The following ENTPD1 variants were observed in gnomAD, a reference collection of about 807,000 sequenced individuals.
The protein encoded by ENTPD1 is ectonucleoside triphosphate diphosphohydrolase 1, also known as ATP diphosphohydrolase.
ENTPD1 carries 33 observed loss-of-function variants against 57.0 expected under a neutral mutation model. The ratio of observed to expected loss-of-function variants is 0.58; its 90% CI spans 0.44 to 0.77. ENTPD1 has a LOEUF of 0.77. ENTPD1 is among the 30% of genes least tolerant of loss of function. The pLI is 0.00. For synonymous variants in ENTPD1, 202 were observed against 218.8 expected, an observed-to-expected ratio of 0.92 and a Z score of 0.68; for missense variants, 501 against 603.4, an observed-to-expected ratio of 0.83 and a Z score of 1.78.
chr10:95,771,522 T>C (rs2098115789), intron 1 of ENTPD1, among the ~76,000 whole-genome samples: 1 of 152,206 alleles, frequency 6.6e-6, no homozygotes, highest in Admixed American at 6.6e-5. Context: ...TTCCCTTGCC[T>C]TTTTGAAAGA....
chr10:95,850,342 GT>G (rs372904174), intron 7 of ENTPD1, among the ~76,000 whole-genome samples: 4 of 152,126 alleles, frequency 2.6e-5, no homozygotes, highest in African/African-American at 9.7e-5. Context: ...GATTTTTGAT[GT>G]TTTTTGTTTT....
Position 95,763,931 on chromosome 10 carries a change from A to G in ENTPD1, c.16+7676A>G, listed in dbSNP as rs192978856. Among the ~76,000 whole-genome samples, 46 of 152,352 alleles carry G rather than the reference A, an allele frequency of 3.0e-4. No homozygotes were observed. The East Asian group carries it at 6.9e-3, about 23-fold the overall frequency. ...TACTGTTAAATAACTCAATTGTTAA[A>G]GTCTCTCAGTTGGTAAGTGTTGAAG... On this transcript the variant is annotated intron_variant, in intron 1 of 9. Transcript: ENST00000371205.
chr10:95,750,307 C>A (rs1024549112), intron 1 of ENTPD1, among the ~76,000 whole-genome samples: 4 of 152,038 alleles, frequency 2.6e-5, no homozygotes, highest in African/African-American at 9.7e-5. Context: ...AATGTGATCC[C>A]CAATGTTGGA....
intron 1 of ENTPD1, among the ~76,000 whole-genome samples, chr10:95,807,125 G>A (rs2098276359): frequency 6.6e-6 from 1 of 152,182 alleles, no homozygotes; most frequent in Non-Finnish European, 1.5e-5. Context: ...GAGATGGAGT[G>A]TAGAGGTAGT....
At chr10:95,859,485 T>C (rs2098461562) in intron 7 of ENTPD1, among the ~76,000 whole-genome samples, 1 of 152,236 alleles carries the variant, frequency 6.6e-6, no homozygotes, top group South Asian at 2.1e-4. Context: ...ATAATCTCAG[T>C]AAACTATGAC....
chr10:95,722,456 C>A (rs963768892), intron 1 of ENTPD1, among the ~76,000 whole-genome samples: 1 of 152,040 alleles, frequency 6.6e-6, no homozygotes, highest in Non-Finnish European at 1.5e-5. Flanking sequence ...CCATGGAATA[C>A]TATGCAGCCA....
intron 1 of ENTPD1, among the ~76,000 whole-genome samples, chr10:95,739,077 A>G (rs1285023160): frequency 1.3e-5 from 2 of 152,250 alleles, no homozygotes; most frequent in Non-Finnish European, 1.5e-5. Flanking sequence ...AGTACAATGT[A>G]TATACCTTGA....
At chr10:95,862,474 G>A (rs2098467025) in intron 8 of ENTPD1, among the ~76,000 whole-genome samples, 1 of 152,210 alleles carries the variant, frequency 6.6e-6, no homozygotes, top group Non-Finnish European at 1.5e-5. Context: ...ACTATGTGTT[G>A]ACAGTGGTGG....
intron 7 of ENTPD1, among the ~76,000 whole-genome samples, chr10:95,851,857 CTT>C (rs1305772405): frequency 1.3e-5 from 2 of 152,048 alleles, no homozygotes; most frequent in Non-Finnish European, 2.9e-5. Flanking sequence ...GGTTCCAAGT[CTT>C]TGCTATTGTG....
chr10:95,789,439 T>C (rs1348586493), intron 1 of ENTPD1, among the ~76,000 whole-genome samples: 4 of 152,168 alleles, frequency 2.6e-5, no homozygotes, highest in Admixed American at 2.0e-4. Context: ...TTACTCTTAT[T>C]TGTAAAATAT....
the ENTPD1 span, among the ~76,000 whole-genome samples, chr10:95,696,662 A>T: frequency 1.3e-3 from 198 of 152,358 alleles, no homozygotes; most frequent in East Asian, 2.5e-3. Context: ...AATCTGAAAG[A>T]TAATTTTGTG....
intron 2 of ENTPD1, among the ~76,000 whole-genome samples, chr10:95,823,922 G>T (rs2098363728): frequency 1.3e-5 from 2 of 152,150 alleles, no homozygotes; most frequent in South Asian, 4.1e-4. Context: ...ATAGTCATTT[G>T]AAATGAATTC....
intron 1 of ENTPD1, among the ~76,000 whole-genome samples, chr10:95,740,622 G>T (rs930944476): frequency 6.6e-6 from 1 of 152,122 alleles, no homozygotes; most frequent in Non-Finnish European, 1.5e-5. Flanking sequence ...GCCTAATGTG[G>T]CATCCAAGAT....
rs1402948174 is a variant in ENTPD1 at position 95,872,448 on chromosome 10, T to A, written c.*6065T>A. 2 of 985,294 alleles carry A rather than the reference T, an allele frequency of 2.0e-6. No individual in the cohort carries two copies. 61.0% of individuals were successfully genotyped at this position (985,294 alleles called of 1,614,324 possible). ...ACCCAACACCACTCAGGTTGTCTTCTCAACTTGGAATACTCTTGCACCTTC... is the reference window on the plus strand; with the variant it reads ...ACCCAACACCACTCAGGTTGTCTTCACAACTTGGAATACTCTTGCACCTTC... On this transcript the variant is annotated 3_prime_UTR_variant, in exon 10 of 10. Coordinates refer to ENST00000371205, the MANE Select transcript of ENTPD1 (RefSeq NM_001776.6).
At chr10:95,848,375 G>A (rs2098439271) in intron 7 of ENTPD1, among the ~76,000 whole-genome samples, 1 of 152,128 alleles carries the variant, frequency 6.6e-6, no homozygotes, top group Non-Finnish European at 1.5e-5. Context: ...GAGTTTGGGG[G>A]AAATTTTCCA....
intron 6 of ENTPD1, 162 bp downstream of exon 6, chr10:95,845,758 T>C (rs2098434218): frequency 8.3e-7 from 1 of 1,207,756 alleles, no homozygotes; most frequent in South Asian, 1.3e-5. Context: ...TTGACCCCTA[T>C]AAATTGTTTC....
At chr10:95,748,628 A>G (rs753739219) in intron 1 of ENTPD1, among the ~76,000 whole-genome samples, 46 of 152,230 alleles carry the variant, frequency 3.0e-4, no homozygotes, top group Non-Finnish European at 5.9e-4. Flanking sequence ...TACTACTATC[A>G]TACCTTAAAA....
chr10:95,834,476 A>G (rs1178427729), intron 2 of ENTPD1, among the ~76,000 whole-genome samples: 5 of 152,180 alleles, frequency 3.3e-5, no homozygotes, highest in Non-Finnish European at 1.5e-5. Context: ...AGCAGAAACC[A>G]TGAGACCTAT....
chr10:95,729,338 T>A (rs1255899740), intron 1 of ENTPD1, among the ~76,000 whole-genome samples: 3 of 152,206 alleles, frequency 2.0e-5, no homozygotes, highest in Non-Finnish European at 4.4e-5. Flanking sequence ...GTAATTTCCT[T>A]TAACTTTATT....
Sources: allele counts gnomAD v4.1 joint callset (sites outside exome capture counted in the v4.1 genomes callset), GRCh38; gene constraint gnomAD v4.1.1; transcripts MANE v1.5; gene names NCBI Gene and HGNC (gene_info 2026-07-23, HGNC 2026-07-21).